Variants in ANO3 observed in about 807,000 individuals in gnomAD.
ANO3 encodes the protein anoctamin 3, also known as anoctamin-3.
A neutral mutation model predicts 144.8 loss-of-function variants in ANO3; 99 were observed. That is an observed-to-expected ratio of 0.68 (90% CI 0.58 to 0.81). ANO3 has a LOEUF of 0.81. ANO3 is among the 30% of genes least tolerant of loss of function. The probability of loss-of-function intolerance (pLI) is 0.00; values close to 1 mark genes in which losing one functional copy is unlikely to be tolerated. For missense variants in ANO3, 905 were observed against 1,202.2 expected, an observed-to-expected ratio of 0.75 and a Z score of 3.66; for synonymous variants, 414 against 392.6, an observed-to-expected ratio of 1.05 and a Z score of -0.64.
intron 1 of ANO3, among the ~76,000 whole-genome samples, chr11:26,419,703 T>G (rs972291317): frequency 2.2e-4 from 33 of 152,048 alleles, no homozygotes; most frequent in African/African-American, 7.7e-4. Context: ...GGAAACATAA[T>G]AAGTTCTATT....
intron 1 of ANO3, among the ~76,000 whole-genome samples, chr11:26,368,556 G>A (rs1194290321): frequency 6.6e-6 from 1 of 151,924 alleles, no homozygotes; most frequent in South Asian, 2.1e-4. Flanking sequence ...AAGGAAGATG[G>A]AAAGAGAAAA....
At chr11:26,635,142 C>T (rs1852910646) in intron 20 of ANO3, 72 bp downstream of exon 20, 16 of 1,383,752 alleles carry the variant, frequency 1.2e-5, no homozygotes, top group Non-Finnish European at 1.4e-5. Flanking sequence ...AGGAAGGGAG[C>T]TGAAGAAAGG....
chr11:26,286,318 T>C (rs538996364), intron 1 of ANO3, among the ~76,000 whole-genome samples: 10 of 152,332 alleles, frequency 6.6e-5, no homozygotes, highest in Admixed American at 5.2e-4. Context: ...TATTTTGATA[T>C]AAAGGCCTGG....
chr11:26,435,931 A>G (rs1858279399), intron 1 of ANO3, among the ~76,000 whole-genome samples: 1 of 152,194 alleles, frequency 6.6e-6, no homozygotes, highest in Admixed American at 6.5e-5. Context: ...TTGTTGGAGA[A>G]CTAGTTTAGT....
chr11:26,344,567 A>T lies in ANO3; in HGVS notation c.46+12246A>T, dbSNP rs181321442. On this transcript the variant is annotated intron_variant, in intron 1 of 26. Coordinates refer to ENST00000256737, the MANE Select transcript of ANO3 (RefSeq NM_031418.4). ...TTTTTAGTAGAGACGGGGTTTCATC[A>T]TGTTAGCCAGGATGGTCTTGATCTC... Among the ~76,000 whole-genome samples, 480 of 151,960 alleles carry T rather than the reference A, an allele frequency of 3.2e-3. 1 individual carries two copies. Among genetic ancestry groups the T allele is most frequent in the Middle Eastern group, 6.8e-3 (2 of 294 alleles).
chr11:26,300,710 T>G (rs1158638934), intron 1 of ANO3, among the ~76,000 whole-genome samples: 1 of 152,206 alleles, frequency 6.6e-6, no homozygotes. Flanking sequence ...TAGCAGATGC[T>G]CAACATAAAT....
In ANO3 at chr11:26,191,203, G is replaced by A. The variant is rs374368840; in HGVS notation, c.154+1873G>A. ...AGACAGGCGAGAATTGCTTGGACCCGGGAGGTGGAGGTTGTGGTGAGCTGA... is the reference window on the plus strand; with the variant it reads ...AGACAGGCGAGAATTGCTTGGACCCAGGAGGTGGAGGTTGTGGTGAGCTGA... On this transcript the variant is annotated intron_variant, in intron 1 of 27. Coordinates refer to the ANO3 transcript ENST00000672621. 1.1e-4 allele frequency among the ~76,000 whole-genome samples: 16 copies of A among 152,076 alleles called. No individual in the cohort carries two copies. The South Asian group carries it at 2.1e-3, about 20-fold the overall frequency.
At chr11:26,303,729 ATTT>A (rs1390173551) in intron 1 of ANO3, among the ~76,000 whole-genome samples, 14 of 152,092 alleles carry the variant, frequency 9.2e-5, no homozygotes, top group Non-Finnish European at 1.8e-4. Context: ...TTATTATTTT[ATTT>A]ATTTTTAGAT....
chr11:26,285,466 A>T (rs1465533999), intron 1 of ANO3, among the ~76,000 whole-genome samples: 1 of 152,240 alleles, frequency 6.6e-6, no homozygotes, highest in Non-Finnish European at 1.5e-5. Context: ...TTTAAGAACA[A>T]TTAAAGATTA....
At chr11:26,496,995 T>TATATATATATATAC (rs1206312744) in intron 4 of ANO3, among the ~76,000 whole-genome samples, 11 of 126,604 alleles carry the variant, frequency 8.7e-5, no homozygotes, top group African/African-American at 3.0e-4. Context: ...TATATATATA[T>TATATATATATATAC]ACACACACAG....
At chr11:26,373,783 T>C (rs1044747840) in intron 1 of ANO3, among the ~76,000 whole-genome samples, 25 of 152,150 alleles carry the variant, frequency 1.6e-4, no homozygotes, top group Non-Finnish European at 7.4e-5. Context: ...TATAAATTAA[T>C]ATAAAAGTAA....
chr11:26,439,281 A>C (rs79885723), intron 1 of ANO3, among the ~76,000 whole-genome samples: 3,285 of 152,348 alleles, frequency 0.022, 58 homozygotes, highest in African/African-American at 0.039. Flanking sequence ...TCATAGATAC[A>C]GCACCTAAAG....
chr11:26,338,115 T>TA (rs5790570), intron 1 of ANO3, among the ~76,000 whole-genome samples: 10 of 145,188 alleles, frequency 6.9e-5, no homozygotes, highest in Non-Finnish European at 1.2e-4. Flanking sequence ...GAATGATAAT[T>TA]AAAAAAAAAA....
chr11:26,198,663 C>A (rs1380815478), intron 1 of ANO3, among the ~76,000 whole-genome samples: 1 of 152,126 alleles, frequency 6.6e-6, no homozygotes, highest in Non-Finnish European at 1.5e-5. Context: ...TGCATACATA[C>A]CTTTCTTTCC....
intron 1 of ANO3, among the ~76,000 whole-genome samples, chr11:26,387,086 GAA>G (rs1241407538): frequency 2.0e-5 from 3 of 150,326 alleles, no homozygotes; most frequent in Non-Finnish European, 4.4e-5. Context: ...GAGACAGAGA[GAA>G]AGAGAGAGAG....
rs35229924 is a variant in ANO3 at position 26,656,427 on chromosome 11, T to C, written c.2709T>C (p.Thr903=). The C allele has an allele frequency of 2.9e-5, 47 of 1,612,678 alleles. No homozygotes were observed. In the African/African-American group the frequency reaches 6.0e-4, roughly 21 times the overall value. The change falls in exon 26 of 27, where the codon ACT becomes ACC. Residue 903 remains threonine, a synonymous_variant. Transcript: ENST00000256737. ...GGAGTTCCAAACCCTATGAGTTTAC[T>C]TTACAATACTGGCATATCCTTGCTG... ...PPWSSKPYEF[T]LQYWHILAAR... is the part of the protein sequence containing the mutation.
At chr11:26,373,446 T>C (rs1263157177) in intron 1 of ANO3, among the ~76,000 whole-genome samples, 2 of 152,214 alleles carry the variant, frequency 1.3e-5, no homozygotes, top group African/African-American at 2.4e-5. Flanking sequence ...GCCATGATTG[T>C]AATTTTCTGA....
intron 1 of ANO3, among the ~76,000 whole-genome samples, chr11:26,299,005 A>AT (rs1157855850): frequency 6.6e-6 from 1 of 152,218 alleles, no homozygotes; most frequent in African/African-American, 2.4e-5. Flanking sequence ...GGAGTTAGAA[A>AT]AAGAGATCTG....
intron 24 of ANO3, among the ~76,000 whole-genome samples, chr11:26,650,588 A>T (rs1458661969): frequency 6.6e-6 from 1 of 152,138 alleles, no homozygotes; most frequent in Non-Finnish European, 1.5e-5. Context: ...ACCAAACAGT[A>T]TTGCTAGTGA....
Sources: allele counts gnomAD v4.1 joint callset (sites outside exome capture counted in the v4.1 genomes callset), GRCh38; gene constraint gnomAD v4.1.1; transcripts MANE v1.5; gene names NCBI Gene and HGNC (gene_info 2026-07-23, HGNC 2026-07-21).